NKAIN3: variants seen among roughly 807,000 people sequenced by gnomAD.
NKAIN3 encodes sodium/potassium transporting ATPase interacting 3.
In NKAIN3, 25 loss-of-function variants were observed where a neutral mutation model predicts 30.2. The observed-to-expected ratio is 0.83, with a 90% CI of 0.60 to 1.16. The LOEUF (loss-of-function observed/expected upper bound fraction) is 1.16, where lower values mean the gene tolerates loss of function less well. NKAIN3 is among the 50% of genes most tolerant of loss of function. The pLI, the probability that NKAIN3 is intolerant of heterozygous loss-of-function variation, is 0.00. For synonymous variants in NKAIN3, 91 were observed against 89.6 expected (o/e 1.02, Z -0.09); for missense variants, 225 against 254.1 (o/e 0.89, Z 0.78).
At chr8:62,528,660 C>T (rs1723177304) in intron 1 of NKAIN3, among the ~76,000 whole-genome samples, 1 of 152,010 alleles carries the variant, frequency 6.6e-6, no homozygotes. Flanking sequence ...TGAAAAGAAG[C>T]ATATCCATGG....
chr8:62,859,507 C>CAAAAAAAAAAAAAAAAAAAAAAA (rs1563597734), intron 4 of NKAIN3, among the ~76,000 whole-genome samples: 32 of 9,914 alleles, frequency 3.2e-3, no homozygotes, highest in Non-Finnish European at 7.2e-3. Context: ...CTTACTTCAA[C>CAAAAAAAAAAAAAAAAAAAAAAA]TAAAAAAAAA....
chr8:62,707,624 G>A (rs936741366), intron 3 of NKAIN3, among the ~76,000 whole-genome samples: 2 of 151,774 alleles, frequency 1.3e-5, no homozygotes, highest in Non-Finnish European at 2.9e-5. Context: ...TCTGGATGTT[G>A]GTCCTTTCTC....
rs1823800787 is a variant in NKAIN3, at chr8:62,970,094, A to G, written c.*4687A>G. Among the ~76,000 whole-genome samples the G allele has an allele frequency of 6.7e-6, 1 of 149,844 alleles. No homozygotes were observed. On this transcript the variant is annotated 3_prime_UTR_variant, in exon 7 of 7. Coordinates refer to ENST00000623646, the MANE Select transcript of NKAIN3 (RefSeq NM_001304533.3). ...ATTTAAATTAGCCAAGCATGGTGGC[A>G]TGTACCTATGACCCCAGCCACTTGA...
Position 62,811,630 on chromosome 8 carries a change from G to A in NKAIN3, c.471+64501G>A, listed in dbSNP as rs1031899462. Among the ~76,000 whole-genome samples the A allele has an allele frequency of 9.8e-5, 6 of 61,054 alleles. No individual in the cohort carries two copies. In the South Asian group the frequency reaches 3.1e-3, roughly 32 times the overall value. 40.1% of individuals were successfully genotyped at this position (61,054 alleles called of 152,430 possible). A position where few individuals can be genotyped will look rare whatever the true frequency, so the allele number is the denominator to read the frequency against. The stretch of plus-strand genomic sequence containing the variant: ...TTGCATTTTCTGATGGCTAACAATG[G>A]AGAATATGTTTTTTGTGCTTATCTG... On this transcript the variant is annotated intron_variant, in intron 4 of 6. Transcript: ENST00000623646.
chr8:62,260,176 G>C (rs968717164), intron 1 of NKAIN3, among the ~76,000 whole-genome samples: 1 of 152,004 alleles, frequency 6.6e-6, no homozygotes, highest in Non-Finnish European at 1.5e-5. Context: ...CCAGTAATGA[G>C]AGACACAGTA....
chr8:62,721,123 G>T (rs189647860), intron 3 of NKAIN3, among the ~76,000 whole-genome samples: 1 of 152,088 alleles, frequency 6.6e-6, no homozygotes, highest in Non-Finnish European at 1.5e-5. Context: ...AGCCCCATCT[G>T]TCCAGGAGTA....
intron 4 of NKAIN3, chr8:62,855,255 T>A (rs931129): frequency 0.73 from 326,280 of 447,568 alleles, 121,397 homozygotes; most frequent in Non-Finnish European, 0.79. Context: ...GAACAAGGCC[T>A]GCCAGCCTGG....
At chr8:62,505,900 G>A (rs1313240846) in intron 1 of NKAIN3, among the ~76,000 whole-genome samples, 1 of 152,014 alleles carries the variant, frequency 6.6e-6, no homozygotes, top group African/African-American at 2.4e-5. Flanking sequence ...GGCAGGGCTG[G>A]ATTCTTTTAT....
intron 3 of NKAIN3, among the ~76,000 whole-genome samples, chr8:62,599,145 A>G (rs1810918551): frequency 6.6e-6 from 1 of 152,092 alleles, no homozygotes; most frequent in South Asian, 2.1e-4. Context: ...TGCCTCTTGC[A>G]TATTATGGGA....
chr8:62,685,172 A>T (rs1813759425), intron 3 of NKAIN3, among the ~76,000 whole-genome samples: 1 of 152,216 alleles, frequency 6.6e-6, no homozygotes, highest in Admixed American at 6.5e-5. Flanking sequence ...ATGACAAAAT[A>T]GCAGGTAGGA....
In NKAIN3 at chr8:62,870,250, CTATATA is replaced by C. The variant is rs370536390; in HGVS notation, c.472-48197_472-48192del. Among the ~76,000 whole-genome samples, 426 of 98,390 alleles carry C rather than the reference CTATATA, an allele frequency of 4.3e-3. 4 individuals carry two copies. Among genetic ancestry groups the C allele is most frequent in the African/African-American group, 0.021 (348 of 16,756 alleles). 64.5% of individuals were successfully genotyped at this position (98,390 alleles called of 152,430 possible). ...TCTATATATAGATATCTATAGATAT[CTATATA>C]TATATCTATATATAGATATATATAA... On this transcript the variant is annotated intron_variant, in intron 4 of 6. Transcript: ENST00000623646.
intron 1 of NKAIN3, among the ~76,000 whole-genome samples, chr8:62,251,777 A>G (rs981567599): frequency 4.6e-5 from 7 of 152,172 alleles, no homozygotes; most frequent in Non-Finnish European, 1.0e-4. Flanking sequence ...GGGTTTGCCA[A>G]ATTCTTTGGT....
chr8:62,918,602 CT>C, intron 5 of NKAIN3, 89 bp downstream of exon 5: 2 of 885,388 alleles, frequency 2.3e-6, no homozygotes, highest in Non-Finnish European at 3.6e-6. Context: ...GAAATGAAAT[CT>C]TTTATATTTG....
rs1437204384 is a variant in NKAIN3 at position 62,971,371 on chromosome 8, T to A, written c.*5964T>A. 6.6e-6 allele frequency among the ~76,000 whole-genome samples: 1 copy of A among 152,196 alleles called. No homozygotes were observed. The highest frequency in any genetic ancestry group is 1.5e-5 in the Non-Finnish European group (1 of 68,024). On this transcript the variant is annotated 3_prime_UTR_variant, in exon 7 of 7. Coordinates refer to ENST00000623646, the MANE Select transcript of NKAIN3 (RefSeq NM_001304533.3). ...TAAGAGCTTTGCTGGACATGGTGGC[T>A]TATGCCTGTAATTTCAGCAATTTGG...
intron 1 of NKAIN3, among the ~76,000 whole-genome samples, chr8:62,426,091 G>A (rs1804798194): frequency 6.6e-6 from 1 of 151,894 alleles, no homozygotes; most frequent in Non-Finnish European, 1.5e-5. Flanking sequence ...ATTATCAAGT[G>A]CATTTTGGTG....
chr8:62,702,875 A>T (rs73266909), intron 3 of NKAIN3, among the ~76,000 whole-genome samples: 3,386 of 152,346 alleles, frequency 0.022, 98 homozygotes, highest in African/African-American at 0.071. Context: ...TTCTGTAGAA[A>T]TATTATGACC....
intron 1 of NKAIN3, among the ~76,000 whole-genome samples, chr8:62,547,668 A>G (rs1809061738): frequency 6.6e-6 from 1 of 152,226 alleles, no homozygotes; most frequent in South Asian, 2.1e-4. Flanking sequence ...TGATGGTCTT[A>G]ACATGATAGA....
At chr8:62,688,289 G>C (rs1336378850) in intron 3 of NKAIN3, among the ~76,000 whole-genome samples, 1 of 152,206 alleles carries the variant, frequency 6.6e-6, no homozygotes, top group Admixed American at 6.5e-5. Flanking sequence ...AGATGGTTCA[G>C]ATAGTCTCTA....
chr8:62,540,234 G>T (rs1808796283), intron 1 of NKAIN3, among the ~76,000 whole-genome samples: 2 of 152,018 alleles, frequency 1.3e-5, no homozygotes, highest in Non-Finnish European at 2.9e-5. Context: ...ATGTGCTTTA[G>T]CTGCTTTCTC....
Sources: allele counts gnomAD v4.1 joint callset (sites outside exome capture counted in the v4.1 genomes callset), GRCh38; gene constraint gnomAD v4.1.1; transcripts MANE v1.5; gene names NCBI Gene and HGNC (gene_info 2026-07-23, HGNC 2026-07-21).